The following SLC35F4 variants were observed in gnomAD, a reference collection of about 807,000 sequenced individuals.
The protein encoded by SLC35F4 is chromosome 14 open reading frame 36.
SLC35F4 carries 24 observed loss-of-function variants against 44.2 expected under a neutral mutation model. The observed-to-expected ratio is 0.54, with a 90% CI of 0.39 to 0.76. SLC35F4 has a LOEUF of 0.76. Ranked by LOEUF, SLC35F4 falls within the 30% of genes least tolerant of loss-of-function variation. SLC35F4 has a pLI of 0.00. For synonymous variants in SLC35F4, 238 were observed against 223.6 expected, an observed-to-expected ratio of 1.06 and a Z score of -0.57; for missense variants, 562 against 586.1, an observed-to-expected ratio of 0.96 and a Z score of 0.42.
chr14:57,967,430 G>A (rs1456935757), intron 1 of SLC35F4, among the ~76,000 whole-genome samples: 2 of 152,154 alleles, frequency 1.3e-5, no homozygotes, highest in African/African-American at 2.4e-5. Context: ...TCCATGAAAA[G>A]CATTCAGAAT....
chr14:57,708,104 G>T (rs1004440471), intron 1 of SLC35F4, among the ~76,000 whole-genome samples: 2 of 152,160 alleles, frequency 1.3e-5, no homozygotes, highest in Non-Finnish European at 2.9e-5. Flanking sequence ...TGCTCCTGGG[G>T]ATAACATGAC....
At chr14:57,795,391 C>A (rs1262747585) in intron 1 of SLC35F4, among the ~76,000 whole-genome samples, 2 of 152,160 alleles carry the variant, frequency 1.3e-5, no homozygotes, top group Admixed American at 6.6e-5. Context: ...TCACTAAGAA[C>A]CTAATGTGCA....
At chr14:57,593,622 C>T (rs182116737) in intron 2 of SLC35F4, among the ~76,000 whole-genome samples, 9 of 152,142 alleles carry the variant, frequency 5.9e-5, no homozygotes, top group East Asian at 3.8e-4. Flanking sequence ...CAGGCTGAGA[C>T]AAAAGATGCA....
At chr14:57,651,372 G>T (rs2073776521) in intron 1 of SLC35F4, among the ~76,000 whole-genome samples, 1 of 152,108 alleles carries the variant, frequency 6.6e-6, no homozygotes, top group African/African-American at 2.4e-5. Context: ...TCATCCTAGG[G>T]AGTGAAGTGG....
intron 3 of SLC35F4, among the ~76,000 whole-genome samples, chr14:57,583,682 CCTTT>C (rs780323493): frequency 1.3e-5 from 2 of 152,158 alleles, no homozygotes; most frequent in Non-Finnish European, 2.9e-5. Context: ...TCGTTCTTCC[CCTTT>C]CTTTCCCCTT....
chr14:57,878,354 C>G (rs1237503851), intron 1 of SLC35F4, among the ~76,000 whole-genome samples: 1 of 152,152 alleles, frequency 6.6e-6, no homozygotes, highest in East Asian at 1.9e-4. Flanking sequence ...CAACCTGCTT[C>G]CTCAATAACA....
chr14:57,838,016 A>G (rs570624377), intron 1 of SLC35F4, among the ~76,000 whole-genome samples: 3 of 152,310 alleles, frequency 2.0e-5, no homozygotes, highest in African/African-American at 7.2e-5. Flanking sequence ...ACACTGATTC[A>G]GTGGTTAATC....
chr14:57,748,562 A>C (rs1378925915), intron 1 of SLC35F4, among the ~76,000 whole-genome samples: 1 of 152,176 alleles, frequency 6.6e-6, no homozygotes, highest in Non-Finnish European at 1.5e-5. Context: ...CTGGATCTGG[A>C]AATCTGCATT....
At chr14:57,883,015 G>A (rs1054711521) in intron 1 of SLC35F4, among the ~76,000 whole-genome samples, 4 of 151,226 alleles carry the variant, frequency 2.6e-5, no homozygotes, top group Admixed American at 6.6e-5. Context: ...GGAGGAGGAG[G>A]AGGAGAGGAG....
intron 1 of SLC35F4, among the ~76,000 whole-genome samples, chr14:57,605,782 A>G (rs1263254466): frequency 6.6e-6 from 1 of 152,190 alleles, no homozygotes; most frequent in Non-Finnish European, 1.5e-5. Context: ...ATACAGCCAC[A>G]AAAGAGAATG....
intron 1 of SLC35F4, among the ~76,000 whole-genome samples, chr14:57,636,754 G>C (rs867806043): frequency 1.3e-5 from 2 of 152,142 alleles, no homozygotes; most frequent in Non-Finnish European, 1.5e-5. Context: ...GATAGACTTA[G>C]ACTTAAAATT....
intron 1 of SLC35F4, among the ~76,000 whole-genome samples, chr14:57,793,103 T>G (rs1042375976): frequency 6.6e-5 from 10 of 152,026 alleles, no homozygotes; most frequent in Admixed American, 3.9e-4. Flanking sequence ...AGGCCTAACC[T>G]CGTCTTATCA....
At chr14:57,708,491 C>T (rs1330758803) in intron 1 of SLC35F4, among the ~76,000 whole-genome samples, 1 of 152,188 alleles carries the variant, frequency 6.6e-6, no homozygotes, top group Non-Finnish European at 1.5e-5. Flanking sequence ...AAGGTGAACC[C>T]ATTGGACAGT....
chr14:57,829,399 C>A (rs772720717), intron 1 of SLC35F4, among the ~76,000 whole-genome samples: 4 of 152,110 alleles, frequency 2.6e-5, no homozygotes. Flanking sequence ...CAAACAGGTG[C>A]CCTGCTGTCA....
intron 1 of SLC35F4, among the ~76,000 whole-genome samples, chr14:57,729,110 A>G (rs985905740): frequency 6.6e-6 from 1 of 152,032 alleles, no homozygotes; most frequent in African/African-American, 2.4e-5. Context: ...TTAGGAGTTT[A>G]ATTATTAAAT....
chr14:57,880,684 G>T (rs1452636981), intron 1 of SLC35F4, among the ~76,000 whole-genome samples: 1 of 152,122 alleles, frequency 6.6e-6, no homozygotes, highest in East Asian at 1.9e-4. Context: ...GAAGTTTGTA[G>T]CTGTGCTCAG....
intron 1 of SLC35F4, among the ~76,000 whole-genome samples, chr14:57,740,903 G>A (rs1201763566): frequency 2.6e-5 from 4 of 152,090 alleles, no homozygotes; most frequent in Non-Finnish European, 4.4e-5. Flanking sequence ...CACCTCACAC[G>A]GCCGGGTGCC....
chr14:57,846,913 T>C (rs1886081743), intron 1 of SLC35F4, among the ~76,000 whole-genome samples: 1 of 152,200 alleles, frequency 6.6e-6, no homozygotes, highest in Admixed American at 6.5e-5. Context: ...GATACCCAGC[T>C]TGTTCTAGGA....
chr14:57,918,425 T>C (rs1850797478), intron 1 of SLC35F4, among the ~76,000 whole-genome samples: 2 of 152,192 alleles, frequency 1.3e-5, no homozygotes, highest in South Asian at 4.1e-4. Context: ...TGGTTTTCCC[T>C]GTGACCTCAC....
Sources: gnomAD v4.1 joint callset for allele counts (sites outside exome capture counted in the v4.1 genomes callset) on GRCh38, gnomAD v4.1.1 for gene constraint, MANE v1.5 for transcripts, NCBI Gene and HGNC (gene_info 2026-07-23, HGNC 2026-07-21) for gene names.